The following TTLL5 variants were observed in gnomAD, a reference collection of about 807,000 sequenced individuals.
The protein encoded by TTLL5 is tubulin polyglutamylase TTLL5.
TTLL5 carries 132 observed loss-of-function variants against 168.4 expected under a neutral mutation model. The observed-to-expected ratio is 0.78, with a 90% CI of 0.68 to 0.91. The LOEUF is 0.91. Among genes scored for constraint, TTLL5 ranks in the 40% least tolerant of loss-of-function variants. TTLL5 has a pLI of 0.00. For synonymous variants in TTLL5, 546 were observed against 558.6 expected, an observed-to-expected ratio of 0.98 and a Z score of 0.32; for missense variants, 1,545 against 1,581.5, an observed-to-expected ratio of 0.98 and a Z score of 0.39.
rs1266575647 is a variant in TTLL5 at position 75,773,927 on chromosome 14, T to TAGAGAGAGAG, written c.2137-1537_2137-1528dup. Among the ~76,000 whole-genome samples the TAGAGAGAGAG allele has an allele frequency of 1.6e-3, 34 of 21,120 alleles. 1 individual carries two copies. Among genetic ancestry groups the TAGAGAGAGAG allele is most frequent in the Non-Finnish European group, 1.9e-3 (20 of 10,626 alleles). The allele number at this position is 21,120 out of a possible 152,430, so 13.9% of individuals were successfully genotyped here. ...AAATACATATATATATATATATATA[T>TAGAGAGAGAG]AGAGAGAGAGAGAGAGAGAGAGAGA... On this transcript the variant is annotated intron_variant, in intron 21 of 31. Coordinates refer to ENST00000298832, the MANE Select transcript of TTLL5 (RefSeq NM_015072.5).
At chr14:75,785,361 G>A (rs954631238) in intron 26 of TTLL5, among the ~76,000 whole-genome samples, 1 of 152,022 alleles carries the variant, frequency 6.6e-6, no homozygotes, top group Admixed American at 6.6e-5. Flanking sequence ...TGTAGTTTTA[G>A]TAGAGGTGGG....
At chr14:75,708,028 G>C (rs536611893) in intron 9 of TTLL5, among the ~76,000 whole-genome samples, 2 of 152,300 alleles carry the variant, frequency 1.3e-5, no homozygotes, top group East Asian at 1.9e-4. Context: ...AAGCTCCTAG[G>C]ATATTAAGAT....
intron 30 of TTLL5, among the ~76,000 whole-genome samples, chr14:75,885,054 G>GGAGTA (rs1566645300): frequency 4.0e-5 from 6 of 151,812 alleles, no homozygotes. Flanking sequence ...GCACCCGAGT[G>GGAGTA]GTACCAGCTA....
intron 31 of TTLL5, among the ~76,000 whole-genome samples, chr14:75,908,299 A>T (rs1172781580): frequency 6.6e-6 from 1 of 152,266 alleles, no homozygotes; most frequent in Non-Finnish European, 1.5e-5. Context: ...CCAGCCTGGC[A>T]TGTGGCCGAT....
intron 29 of TTLL5, among the ~76,000 whole-genome samples, chr14:75,880,302 GA>G (rs982340878): frequency 1.3e-5 from 2 of 152,184 alleles, no homozygotes; most frequent in Admixed American, 6.5e-5. Context: ...GATTTTGGGG[GA>G]AAAAATTATG....
chr14:75,879,067 A>G (rs1023190744), intron 29 of TTLL5, among the ~76,000 whole-genome samples: 2 of 152,230 alleles, frequency 1.3e-5, no homozygotes, highest in Admixed American at 6.5e-5. Flanking sequence ...GCACCTTTCT[A>G]CTAGTCACTG....
chr14:75,861,654 T>G (rs2030015011), intron 28 of TTLL5, among the ~76,000 whole-genome samples: 1 of 152,196 alleles, frequency 6.6e-6, no homozygotes, highest in Admixed American at 6.5e-5. Flanking sequence ...AACCAGGGTT[T>G]GGAGCAAGGT....
intron 31 of TTLL5, among the ~76,000 whole-genome samples, chr14:75,913,920 A>G (rs962144888): frequency 6.7e-6 from 1 of 150,326 alleles, no homozygotes; most frequent in Non-Finnish European, 1.5e-5. Context: ...TGGCTGAGGC[A>G]GAAGAATTGC....
At chr14:75,825,533 A>G (rs978759020) in intron 28 of TTLL5, among the ~76,000 whole-genome samples, 3 of 152,016 alleles carry the variant, frequency 2.0e-5, no homozygotes, top group Non-Finnish European at 2.9e-5. Flanking sequence ...CATATTTTCC[A>G]TCTATCCTGG....
At chr14:75,725,964 C>G (rs948026878) in intron 12 of TTLL5, among the ~76,000 whole-genome samples, 1 of 152,140 alleles carries the variant, frequency 6.6e-6, no homozygotes, top group African/African-American at 2.4e-5. Flanking sequence ...TCCTCTTTAG[C>G]TTTTTCAATT....
chr14:75,720,675 C>T lies in TTLL5; in HGVS notation c.1014C>T (p.Thr338=). The part of the protein sequence containing the change: ...AELAIATACK[T]FVPHRSSCFE... ...TAGCTATTGCTACTGCCTGTAAAAC[C>T]TTTGTTCCTCATCGCAGCAGTTGTT... Residue 338 remains threonine (T), a synonymous_variant, in exon 12 of 32, where the codon ACC becomes ACT. Coordinates refer to ENST00000298832, the MANE Select transcript of TTLL5 (RefSeq NM_015072.5). 2 of 1,613,568 alleles carry T rather than the reference C, an allele frequency of 1.2e-6. No homozygotes were observed. The highest frequency in any genetic ancestry group is 2.7e-5 in the African/African-American group (2 of 75,000).
intron 28 of TTLL5, among the ~76,000 whole-genome samples, chr14:75,821,681 A>C (rs1489393380): frequency 6.6e-6 from 1 of 152,160 alleles, no homozygotes; most frequent in Non-Finnish European, 1.5e-5. Context: ...GCCTGTTAGT[A>C]GTGAGATGAA....
chr14:75,779,740 C>T (rs878926812), intron 24 of TTLL5, 38 bp downstream of exon 24: 13 of 1,570,888 alleles, frequency 8.3e-6, no homozygotes, highest in Non-Finnish European at 1.0e-5. Context: ...ATAAGAAGAA[C>T]AAGTGAAGAA....
rs761727252 is a variant in TTLL5 at position 75,820,088 on chromosome 14, C to T, written c.3253C>T (p.Pro1085Ser). ...APPTLRPIIS[P>S]SGPTWSTQSD... ...CCCAACCCTCCGACCCATCATCAGT[C>T]CTAGTGGCCCGACATGGTCTACACA... The change falls in exon 28 of 32, where the codon CCT (proline) becomes TCT (serine). Residue 1085 changes from proline to serine, a missense_variant. By Grantham distance (74) the Pro-to-Ser change is moderately conservative. Coordinates refer to ENST00000298832, the MANE Select transcript of TTLL5 (RefSeq NM_015072.5). The T allele has an allele frequency of 6.2e-7, 1 of 1,609,754 alleles. No individual in the cohort carries two copies. Among genetic ancestry groups the T allele is most frequent in the African/African-American group, 1.3e-5 (1 of 74,618 alleles).
At chr14:75,801,391 A>G (rs1893316024) in intron 27 of TTLL5, among the ~76,000 whole-genome samples, 1 of 152,162 alleles carries the variant, frequency 6.6e-6, no homozygotes, top group Non-Finnish European at 1.5e-5. Flanking sequence ...ATTTTGATAC[A>G]GGCATATAGT....
chr14:75,699,333 A>G (rs1886093142), intron 7 of TTLL5, 63 bp downstream of exon 7: 1 of 1,361,050 alleles, frequency 7.3e-7, no homozygotes, highest in South Asian at 1.2e-5. Context: ...CACCCTTTGT[A>G]TTGGTTACTA....
chr14:75,694,385 G>A (rs1885678910), intron 6 of TTLL5, among the ~76,000 whole-genome samples: 1 of 152,166 alleles, frequency 6.6e-6, no homozygotes, highest in African/African-American at 2.4e-5. Context: ...CGCCCAGGCT[G>A]GAGTGCAATG....
chr14:75,860,209 C>T (rs776314984), intron 28 of TTLL5, among the ~76,000 whole-genome samples: 4 of 152,200 alleles, frequency 2.6e-5, no homozygotes, highest in Non-Finnish European at 5.9e-5. Context: ...TGCCCACTGT[C>T]CTACCCTTTA....
intron 2 of TTLL5, among the ~76,000 whole-genome samples, chr14:75,666,249 A>G (rs1382937569): frequency 6.6e-6 from 1 of 152,254 alleles, no homozygotes; most frequent in Non-Finnish European, 1.5e-5. Flanking sequence ...ATATCCATGG[A>G]CATCTGTTAG....
Sources: allele counts gnomAD v4.1 joint callset (sites outside exome capture counted in the v4.1 genomes callset), GRCh38; gene constraint gnomAD v4.1.1; transcripts MANE v1.5; gene names NCBI Gene and HGNC (gene_info 2026-07-23, HGNC 2026-07-21).